Variants in ZNF536 observed in about 807,000 individuals in gnomAD.
ZNF536 encodes the protein zinc finger protein 536.
A neutral mutation model predicts 84.5 loss-of-function variants in ZNF536; 13 were observed. That is an observed-to-expected ratio of 0.15 (90% CI 0.10 to 0.24). ZNF536 has a LOEUF of 0.24. Among genes scored for constraint, ZNF536 ranks in the 10% least tolerant of loss-of-function variants. The pLI, the probability that ZNF536 is intolerant of heterozygous loss-of-function variation, is 1.00. For synonymous variants in ZNF536, 811 were observed against 742.5 expected (o/e 1.09, Z -1.50); for missense variants, 1,536 against 1,747.5 (o/e 0.88, Z 2.16).
Position 30,380,157 on chromosome 19 carries a change from A to G in ZNF536, c.-3+7601A>G, listed in dbSNP as rs376402943. Among the ~76,000 whole-genome samples the G allele has an allele frequency of 4.5e-3, 683 of 152,252 alleles. 14 individuals carry two copies. The highest frequency in any genetic ancestry group is 0.016 in the African/African-American group (665 of 41,546). On this transcript the variant is annotated intron_variant, in intron 1 of 4. Transcript: ENST00000355537. ...CAAAATATAGCCCAAGTCCTAGTGC[A>G]TTCTTCAGGGAGGGCCTTTCTGTGA...
chr19:30,330,154 A>G (rs1305920238), intron 2 of ZNF536, among the ~76,000 whole-genome samples: 2 of 152,340 alleles, frequency 1.3e-5, no homozygotes, highest in East Asian at 3.9e-4. Flanking sequence ...AATATGGAGT[A>G]ATAGATCACA....
Position 30,443,582 on chromosome 19 carries a change from G to T in ZNF536, c.20G>T (p.Cys7Phe). The T allele has an allele frequency of 2.6e-6, 4 of 1,567,236 alleles. No homozygotes were observed. Among genetic ancestry groups the T allele is most frequent in the Non-Finnish European group, 3.5e-6 (4 of 1,159,370 alleles). Residue 7 changes from cysteine (C) to phenylalanine (F), a missense_variant, in exon 2 of 5, where the codon TGC (cysteine) becomes TTC (phenylalanine). By Grantham distance (205) the Cys-to-Phe change is radical. Around this residue, in one of 8 missense-constraint regions of ZNF536, gnomAD observed 161 missense variants for 178.5 expected, o/e 0.90. Coordinates refer to ENST00000355537, the MANE Select transcript of ZNF536 (RefSeq NM_014717.3). ...TCAGGGATGGAAGAAGCGAGCCTGT[G>T]CCTTGGAGTGTCTTCGGCGGAGCCG... MEEASLCLGVSSAEPEA... is the reference protein window; with the variant it reads MEEASLFLGVSSAEPEA...
At chr19:30,554,251 C>CTTTTTTTT in intron 4 of ZNF536, 1 of 83,982 alleles carries the variant, frequency 1.2e-5, no homozygotes, top group Non-Finnish European at 2.3e-5. Flanking sequence ...AGAATACCTA[C>CTTTTTTTT]TTTTTTTTTT....
chr19:30,293,918 A>G (rs1176107654), intron 2 of ZNF536, among the ~76,000 whole-genome samples: 2 of 152,136 alleles, frequency 1.3e-5, no homozygotes, highest in African/African-American at 4.8e-5. Flanking sequence ...ACCTATGCCC[A>G]TACATTTTGG....
At chr19:30,615,136 G>C (rs937592361) in intron 1 of ZNF536, among the ~76,000 whole-genome samples, 2 of 146,926 alleles carry the variant, frequency 1.4e-5, no homozygotes, top group Non-Finnish European at 3.0e-5. Context: ...TAGTAGAGAC[G>C]GGGTTTCACC....
intron 2 of ZNF536, among the ~76,000 whole-genome samples, chr19:30,506,460 T>C (rs111802691): frequency 2.7e-3 from 413 of 152,352 alleles, no homozygotes; most frequent in African/African-American, 9.5e-3. Flanking sequence ...GCTGCGCTGT[T>C]TGAATGATGC....
At chr19:30,514,456 G>A (rs1401119000) in intron 2 of ZNF536, among the ~76,000 whole-genome samples, 3 of 152,064 alleles carry the variant, frequency 2.0e-5, no homozygotes, top group Non-Finnish European at 4.4e-5. Context: ...GGGGGTCAAA[G>A]AGACTCACAG....
intron 1 of ZNF536, among the ~76,000 whole-genome samples, chr19:30,603,522 T>C (rs1050507075): frequency 3.3e-5 from 5 of 152,230 alleles, no homozygotes; most frequent in Admixed American, 6.5e-5. Context: ...GAAGGGAATC[T>C]TGGTATTCAT....
rs368312227 is a variant in ZNF536, at chr19:30,255,672, TC to T, written c.-190+27000del. Among the ~76,000 whole-genome samples the T allele has an allele frequency of 1.5e-4, 23 of 152,332 alleles. No homozygotes were observed. In the East Asian group the frequency reaches 4.1e-3, roughly 27 times the overall value. ...CTGGAGACAATAAAAAAAATGTCTT[TC>T]TGCAACTTCAATACAGCAGTCTGGA... On this transcript the variant is annotated intron_variant, in intron 1 of 5. Coordinates refer to the ZNF536 transcript ENST00000585628.
intron 2 of ZNF536, among the ~76,000 whole-genome samples, chr19:30,315,778 G>A (rs562862121): frequency 2.0e-5 from 3 of 152,244 alleles, no homozygotes; most frequent in East Asian, 1.9e-4. Flanking sequence ...CTGGACTGGT[G>A]TATATATACA....
At chr19:30,295,674 G>A (rs1410839202) in intron 2 of ZNF536, among the ~76,000 whole-genome samples, 2 of 152,166 alleles carry the variant, frequency 1.3e-5, no homozygotes, top group South Asian at 2.1e-4. Flanking sequence ...CTGCCTCTGG[G>A]GTCATTCCGT....
chr19:30,264,966 T>TGTGTGTGAGAGAGA (rs59889852), intron 1 of ZNF536, among the ~76,000 whole-genome samples: 1,787 of 133,786 alleles, frequency 0.013, 16 homozygotes, highest in South Asian at 0.028. Flanking sequence ...TGTGTGTGTG[T>TGTGTGTGAGAGAGA]GAGAGAGAGA....
intron 2 of ZNF536, among the ~76,000 whole-genome samples, chr19:30,318,387 G>C (rs1171900714): frequency 6.6e-6 from 1 of 152,246 alleles, no homozygotes; most frequent in Non-Finnish European, 1.5e-5. Flanking sequence ...GGTCTGAAAA[G>C]AGCCAATGAA....
chr19:30,634,918 A>G (rs1405663216), intron 1 of ZNF536, among the ~76,000 whole-genome samples: 1 of 152,154 alleles, frequency 6.6e-6, no homozygotes, highest in East Asian at 1.9e-4. Context: ...TCTCAGCTAG[A>G]TGATTTGACC....
intron 1 of ZNF536, among the ~76,000 whole-genome samples, chr19:30,262,288 C>T (rs2025266799): frequency 6.6e-6 from 1 of 152,238 alleles, no homozygotes; most frequent in African/African-American, 2.4e-5. Flanking sequence ...GACATAGGTC[C>T]TCCAGGTGCA....
At chr19:30,291,991 C>A (rs947467303) in intron 2 of ZNF536, among the ~76,000 whole-genome samples, 1 of 152,312 alleles carries the variant, frequency 6.6e-6, no homozygotes, top group Middle Eastern at 3.4e-3. Context: ...TTGTCTGTGG[C>A]TGCATTGACA....
At chr19:30,641,528 A>G (rs2049267654) in intron 1 of ZNF536, among the ~76,000 whole-genome samples, 1 of 152,210 alleles carries the variant, frequency 6.6e-6, no homozygotes, top group Admixed American at 6.5e-5. Context: ...ATAGTTATTT[A>G]CCCTATTGTT....
chr19:30,520,068 T>G (rs532069630), intron 2 of ZNF536, among the ~76,000 whole-genome samples: 3 of 152,088 alleles, frequency 2.0e-5, no homozygotes, highest in Non-Finnish European at 4.4e-5. Context: ...GGGGCTGGTG[T>G]TTGGGGTTTG....
At chr19:30,696,482 A>G (rs999978020) in intron 1 of ZNF536, among the ~76,000 whole-genome samples, 8 of 152,250 alleles carry the variant, frequency 5.3e-5, no homozygotes, top group Middle Eastern at 3.2e-3. Context: ...TTAATGATAA[A>G]CATAAATGCT....
Sources: allele counts gnomAD v4.1 joint callset (sites outside exome capture counted in the v4.1 genomes callset), GRCh38; gene constraint gnomAD v4.1.1; regional missense constraint gnomAD v4.1.1; transcripts MANE v1.5; gene names NCBI Gene and HGNC (gene_info 2026-07-23, HGNC 2026-07-21).